MAN1A2: variants seen among roughly 807,000 people sequenced by gnomAD.
MAN1A2 encodes mannosyl-oligosaccharide 1,2-alpha-mannosidase IB.
A neutral mutation model predicts 75.7 loss-of-function variants in MAN1A2; 26 were observed. The observed-to-expected ratio is 0.34, with a 90% CI of 0.25 to 0.48. The LOEUF is 0.48. Ranked by LOEUF, MAN1A2 falls within the 20% of genes least tolerant of loss-of-function variation. The pLI is 0.99. For synonymous variants in MAN1A2, 247 were observed against 264.6 expected (o/e 0.93, Z 0.65); for missense variants, 562 against 775.5 (o/e 0.72, Z 3.27).
In MAN1A2 at chr1:117,522,919, G is replaced by T. The variant is rs41296190; in HGVS notation, c.1888G>T (p.Ala630Ser). The T allele has an allele frequency of 6.2e-7, 1 of 1,611,504 alleles. No individual in the cohort carries two copies. Among genetic ancestry groups the T allele is most frequent in the Non-Finnish European group, 8.5e-7 (1 of 1,178,512 alleles). Residue 630 changes from alanine (A) to serine (S), a missense_variant, in exon 13 of 13, where the codon GCC becomes TCC. Transcript: ENST00000356554. ...EAHPLPVLHL[A>S]NTTLSGNPAV... ...TCACCCTCTGCCTGTGTTACATTTAGCCAACACCACACTTTCAGGTAATCC... is the reference window on the plus strand; with the variant it reads ...TCACCCTCTGCCTGTGTTACATTTATCCAACACCACACTTTCAGGTAATCC...
In MAN1A2 at chr1:117,453,706, C is replaced by T. The variant is rs543602602; in HGVS notation, c.951-6783C>T. The stretch of plus-strand genomic sequence containing the variant: ...ATGACAATAAGGATTTAGAATACTA[C>T]GTAAACTTAGTTGATGCAGCCAGTG... On this transcript the variant is annotated intron_variant, in intron 6 of 12. Coordinates refer to ENST00000356554, the MANE Select transcript of MAN1A2 (RefSeq NM_006699.5). 2.7e-3 allele frequency among the ~76,000 whole-genome samples: 415 copies of T among 152,250 alleles called. 1 individual carries two copies. Among genetic ancestry groups the T allele is most frequent in the African/African-American group, 9.6e-3 (400 of 41,542 alleles).
chr1:117,480,141 G>A (rs1310107096), intron 8 of MAN1A2, among the ~76,000 whole-genome samples: 1 of 151,846 alleles, frequency 6.6e-6, no homozygotes. Flanking sequence ...TGCAAGTGCT[G>A]CTCAGTACTC....
rs372170856 is a variant in MAN1A2 at position 117,489,006 on chromosome 1, A to G, written c.1169-4141A>G. 1.4e-4 allele frequency among the ~76,000 whole-genome samples: 22 copies of G among 152,178 alleles called. 1 individual carries two copies. Among genetic ancestry groups the G allele is most frequent in the African/African-American group, 4.8e-4 (20 of 41,568 alleles). ...CACATTTTGAGAAGTATCAAACTAT[A>G]TAGATAATTCTGAAATTTGCTCCTT... On this transcript the variant is annotated intron_variant, in intron 8 of 12. Coordinates refer to ENST00000356554, the MANE Select transcript of MAN1A2 (RefSeq NM_006699.5).
At chr1:117,387,862 G>C (rs1347314460) in intron 1 of MAN1A2, among the ~76,000 whole-genome samples, 1 of 152,064 alleles carries the variant, frequency 6.6e-6, no homozygotes, top group African/African-American at 2.4e-5. Context: ...CTCCATGTGT[G>C]CTTGTGAAGA....
intron 12 of MAN1A2, among the ~76,000 whole-genome samples, chr1:117,517,779 A>G (rs1267244226): frequency 6.6e-6 from 1 of 151,978 alleles, no homozygotes; most frequent in East Asian, 1.9e-4. Flanking sequence ...GATGTAAACT[A>G]TTTACCCACA....
intron 5 of MAN1A2, among the ~76,000 whole-genome samples, chr1:117,435,885 C>T (rs1283511641): frequency 6.6e-6 from 1 of 152,040 alleles, no homozygotes; most frequent in Admixed American, 6.6e-5. Flanking sequence ...TGGTGAAACC[C>T]TCTCTCTACT....
chr1:117,481,750 G>C (rs1254695321), intron 8 of MAN1A2, among the ~76,000 whole-genome samples: 1 of 151,910 alleles, frequency 6.6e-6, no homozygotes, highest in African/African-American at 2.4e-5. Context: ...AAAAGAAGTG[G>C]AGCATGCAAG....
At chr1:117,417,560 T>TATATATATATATATATATATA (rs1648041035) in intron 4 of MAN1A2, among the ~76,000 whole-genome samples, 6 of 126,214 alleles carry the variant, frequency 4.8e-5, no homozygotes, top group African/African-American at 1.5e-4. Flanking sequence ...TATATATATG[T>TATATATATATATATATATATA]GATATATATG....
intron 8 of MAN1A2, among the ~76,000 whole-genome samples, chr1:117,483,564 G>A (rs576071123): frequency 9.8e-4 from 149 of 152,224 alleles, no homozygotes; most frequent in Non-Finnish European, 1.9e-3. Flanking sequence ...GTACAGAAAT[G>A]CTTGTGGTTT....
In MAN1A2 at chr1:117,523,202, AGGT is replaced by A. The variant is rs892995871; in HGVS notation, c.*249_*251del. 1.6e-6 allele frequency: 1 copy of A among 625,278 alleles called. No homozygotes were observed. The highest frequency in any genetic ancestry group is 1.8e-5 in the African/African-American group (1 of 55,112). The allele number at this position is 625,278 out of a possible 1,614,324, so 38.7% of individuals were successfully genotyped here. A position where few individuals can be genotyped will look rare whatever the true frequency, so the allele number is the denominator to read the frequency against. ...CCTGGATGTGCTTTGATCGTTAATG[AGGT>A]GGTCACATGAGAAATGATACCTGTT... On this transcript the variant is annotated 3_prime_UTR_variant, in exon 13 of 13. Coordinates refer to ENST00000356554, the MANE Select transcript of MAN1A2 (RefSeq NM_006699.5).
intron 11 of MAN1A2, among the ~76,000 whole-genome samples, chr1:117,500,607 G>T (rs1341452968): frequency 1.3e-5 from 2 of 151,816 alleles, no homozygotes; most frequent in African/African-American, 4.8e-5. Context: ...TTTTTCACCT[G>T]TCATTCAGAC....
intron 1 of MAN1A2, among the ~76,000 whole-genome samples, chr1:117,392,720 A>G (rs1167811092): frequency 6.6e-6 from 1 of 152,230 alleles, no homozygotes; most frequent in Non-Finnish European, 1.5e-5. Context: ...ATAATCTATA[A>G]CTGCTTTCTA....
At chr1:117,381,652 G>A (rs1653340239) in intron 1 of MAN1A2, among the ~76,000 whole-genome samples, 1 of 152,158 alleles carries the variant, frequency 6.6e-6, no homozygotes, top group South Asian at 2.1e-4. Flanking sequence ...ACATATGTGT[G>A]CATGTGTCTT....
At chr1:117,512,097 G>A (rs1051728991) in intron 12 of MAN1A2, among the ~76,000 whole-genome samples, 7 of 152,088 alleles carry the variant, frequency 4.6e-5, no homozygotes, top group African/African-American at 1.7e-4. Context: ...TTTCCTGGTT[G>A]GGGCTTAGAG....
chr1:117,453,364 C>G (rs1193083803), intron 6 of MAN1A2, among the ~76,000 whole-genome samples: 2 of 152,184 alleles, frequency 1.3e-5, no homozygotes, highest in African/African-American at 2.4e-5. Flanking sequence ...AAAGGAGTCA[C>G]TATTCTAGAT....
At chr1:117,395,342 C>T (rs942845848) in intron 1 of MAN1A2, among the ~76,000 whole-genome samples, 1 of 152,210 alleles carries the variant, frequency 6.6e-6, no homozygotes, top group African/African-American at 2.4e-5. Flanking sequence ...ACTCTACTTA[C>T]TAGCTCCTTG....
intron 8 of MAN1A2, 143 bp downstream of exon 8, chr1:117,466,570 T>C (rs1322533598): frequency 1.9e-6 from 1 of 516,400 alleles, no homozygotes; most frequent in Non-Finnish European, 3.4e-6. Flanking sequence ...TTCTTAGGCA[T>C]GTTTCTGATC....
At chr1:117,424,098 C>A (rs1648290216) in intron 5 of MAN1A2, among the ~76,000 whole-genome samples, 3 of 152,042 alleles carry the variant, frequency 2.0e-5, no homozygotes. Flanking sequence ...TTAATAGATT[C>A]TTCAGGATTT....
chr1:117,487,132 A>G (rs553960756), intron 8 of MAN1A2, among the ~76,000 whole-genome samples: 1 of 152,194 alleles, frequency 6.6e-6, no homozygotes, highest in African/African-American at 2.4e-5. Flanking sequence ...ATGAAATAAA[A>G]TTAAGTGAGA....
Sources: gnomAD v4.1 joint callset for allele counts (sites outside exome capture counted in the v4.1 genomes callset) on GRCh38, gnomAD v4.1.1 for gene constraint, MANE v1.5 for transcripts, NCBI Gene and HGNC (gene_info 2026-07-23, HGNC 2026-07-21) for gene names.